The following VWA8 variants were observed in gnomAD, a reference collection of about 807,000 sequenced individuals.
VWA8 encodes von Willebrand factor A domain-containing protein 8.
VWA8 carries 221 observed loss-of-function variants against 241.5 expected under a neutral mutation model. The ratio of observed to expected loss-of-function variants is 0.91; its 90% confidence interval spans 0.82 to 1.02. The LOEUF is 1.02. VWA8 is among the 50% of genes least tolerant of loss of function. VWA8 has a pLI of 0.00. For missense variants in VWA8, 2,322 were observed against 2,328.7 expected (o/e 1.00, Z 0.06); for synonymous variants, 852 against 827.1 (o/e 1.03, Z -0.52).
intron 21 of VWA8, among the ~76,000 whole-genome samples, chr13:41,735,413 CAA>C (rs1242596265): frequency 6.6e-6 from 1 of 152,078 alleles, no homozygotes; most frequent in East Asian, 1.9e-4. Flanking sequence ...TTAGATTTCT[CAA>C]AAGACTTCTG....
intron 26 of VWA8, chr13:41,719,240 C>A: frequency 1.7e-6 from 1 of 605,716 alleles, no homozygotes; most frequent in Non-Finnish European, 2.1e-6. Context: ...ACTAAATGTA[C>A]ATTATCTCTA....
intron 1 of VWA8, among the ~76,000 whole-genome samples, chr13:41,956,940 C>T (rs994193396): frequency 2.6e-5 from 4 of 152,126 alleles, no homozygotes; most frequent in Non-Finnish European, 2.9e-5. Context: ...AAAAATGTAT[C>T]TGTATAAATA....
chr13:41,822,245 A>G (rs1870989953), intron 14 of VWA8, among the ~76,000 whole-genome samples: 1 of 152,164 alleles, frequency 6.6e-6, no homozygotes, highest in Non-Finnish European at 1.5e-5. Context: ...CCTATGGTAC[A>G]TTTTCATTGA....
chr13:41,946,972 C>T (rs990556453), intron 2 of VWA8, among the ~76,000 whole-genome samples: 5 of 152,142 alleles, frequency 3.3e-5, no homozygotes, highest in African/African-American at 7.2e-5. Flanking sequence ...TTCTACAATC[C>T]CCCAGGTGAT....
rs184916395 is a variant in VWA8, at chr13:41,869,482, A to G, written c.1081-1005T>C. 4.5e-3 allele frequency among the ~76,000 whole-genome samples: 678 copies of G among 152,072 alleles called. 3 individuals carry two copies. The highest frequency in any genetic ancestry group is 0.017 in the Middle Eastern group (5 of 294). ...AACCCTGTCTACTAAAAATACAAAA[A>G]TTAGCTGGGCATGGTGGCACGCACC... On this transcript the variant is annotated intron_variant, in intron 9 of 44. Coordinates refer to ENST00000379310, the MANE Select transcript of VWA8 (RefSeq NM_015058.2).
chr13:41,789,725 G>T (rs1012686586), intron 17 of VWA8, among the ~76,000 whole-genome samples: 3 of 151,842 alleles, frequency 2.0e-5, no homozygotes, highest in African/African-American at 7.3e-5. Context: ...TAGGAAGGAG[G>T]GGTGTTACTT....
At chr13:41,921,132 A>G (rs549892033) in intron 2 of VWA8, among the ~76,000 whole-genome samples, 1 of 152,362 alleles carries the variant, frequency 6.6e-6, no homozygotes, top group South Asian at 2.1e-4. Context: ...CTGGTTCAAC[A>G]TATGCAAATC....
intron 29 of VWA8, among the ~76,000 whole-genome samples, chr13:41,693,808 T>G (rs1460782734): frequency 6.6e-6 from 1 of 152,054 alleles, no homozygotes; most frequent in South Asian, 2.1e-4. Flanking sequence ...GGCTTTTTAG[T>G]TAAAATATAA....
chr13:41,619,542 T>A (rs977240685), intron 37 of VWA8, among the ~76,000 whole-genome samples: 1 of 152,208 alleles, frequency 6.6e-6, no homozygotes, highest in Non-Finnish European at 1.5e-5. Context: ...ATCCCTGTCT[T>A]GTGCCAGTTT....
chr13:41,928,459 T>A (rs558874601), intron 2 of VWA8, among the ~76,000 whole-genome samples: 24 of 152,214 alleles, frequency 1.6e-4, no homozygotes, highest in African/African-American at 4.3e-4. Context: ...CTGGAAAATT[T>A]ACAAATATGT....
intron 4 of VWA8, among the ~76,000 whole-genome samples, chr13:41,902,838 T>G (rs1875520860): frequency 6.6e-6 from 1 of 152,146 alleles, no homozygotes; most frequent in Non-Finnish European, 1.5e-5. Context: ...ATTTGGGTGT[T>G]TCCAGCTGAT....
chr13:41,805,096 C>T (rs1566464164), intron 17 of VWA8, among the ~76,000 whole-genome samples: 1 of 152,120 alleles, frequency 6.6e-6, no homozygotes, highest in African/African-American at 2.4e-5. Flanking sequence ...ACTAAACTTT[C>T]CAGTCAAAAG....
At chr13:41,804,925 A>T (rs1178561065) in intron 17 of VWA8, among the ~76,000 whole-genome samples, 1 of 152,234 alleles carries the variant, frequency 6.6e-6, no homozygotes, top group South Asian at 2.1e-4. Context: ...ACAGCAAATG[A>T]AAAGCAAGAA....
At chr13:41,587,725 G>T (rs1271328631) in intron 41 of VWA8, 55 bp from the exon 42 acceptor site, 2 of 1,600,028 alleles carry the variant, frequency 1.2e-6, no homozygotes, top group East Asian at 4.5e-5. Context: ...TTCCCCTGGT[G>T]GCTGTCTTGG....
chr13:41,815,818 A>C (rs1161222028), intron 16 of VWA8, among the ~76,000 whole-genome samples: 1 of 152,256 alleles, frequency 6.6e-6, no homozygotes, highest in Non-Finnish European at 1.5e-5. Flanking sequence ...AGTCAAGAGG[A>C]TATAATATTC....
intron 5 of VWA8, among the ~76,000 whole-genome samples, chr13:41,890,284 C>T (rs1336588617): frequency 1.3e-5 from 2 of 152,176 alleles, no homozygotes. Flanking sequence ...ACAGATCTTG[C>T]TCGTGATCAA....
Position 41,761,132 on chromosome 13 carries a change from G to A in VWA8, c.2422C>T (p.His808Tyr), listed in dbSNP as rs781215744. The A allele has an allele frequency of 1.2e-6, 2 of 1,611,372 alleles. No homozygotes were observed. The highest frequency in any genetic ancestry group is 1.7e-6 in the Non-Finnish European group (2 of 1,178,252). The part of the protein sequence containing the change: ...LNRPREYIQL[H>Y]RDTTVQTLTL... ...TTGTGGGTCTAATAGTCTTACCTGT[G>A]TAGCTGAATATATTCTCGGGGTCTG... The change falls in exon 21 of 45, where the codon CAC becomes TAC. Residue 808 changes from histidine to tyrosine, a missense_variant. By Grantham distance (83) the His-to-Tyr change is moderately conservative (BLOSUM62 2). Transcript: ENST00000379310.
chr13:41,881,614 G>A (rs538815878), intron 9 of VWA8, among the ~76,000 whole-genome samples: 1 of 150,554 alleles, frequency 6.6e-6, no homozygotes, highest in Non-Finnish European at 1.5e-5. Flanking sequence ...CAGGCAGAGG[G>A]GCTCCTCACT....
At chr13:41,878,153 T>A (rs774686129) in intron 9 of VWA8, among the ~76,000 whole-genome samples, 5 of 152,082 alleles carry the variant, frequency 3.3e-5, no homozygotes, top group Non-Finnish European at 7.4e-5. Flanking sequence ...AAGGAAAAGT[T>A]AATGTGTATA....
Sources: gnomAD v4.1 joint callset for allele counts (sites outside exome capture counted in the v4.1 genomes callset) on GRCh38, gnomAD v4.1.1 for gene constraint, MANE v1.5 for transcripts, NCBI Gene and HGNC (gene_info 2026-07-23, HGNC 2026-07-21) for gene names.